ARMC3: variants seen among roughly 807,000 people sequenced by gnomAD.
ARMC3 encodes the protein armadillo repeat containing 3.
A neutral mutation model predicts 90.3 loss-of-function variants in ARMC3; 74 were observed. The observed-to-expected ratio is 0.82, with a 90% CI of 0.68 to 0.99. The LOEUF (loss-of-function observed/expected upper bound fraction) is 0.99, where lower values mean the gene tolerates loss of function less well. Among genes scored for constraint, ARMC3 ranks in the 50% least tolerant of loss-of-function variants. ARMC3 has a pLI of 0.00. For synonymous variants in ARMC3, 334 were observed against 361.8 expected (o/e 0.92, Z 0.87); for missense variants, 958 against 1,042.8 (o/e 0.92, Z 1.12).
chr10:23,010,847 CTCCTCTCCTTCCCTTGCCT>C (rs1837951635), intron 16 of ARMC3, among the ~76,000 whole-genome samples: 1 of 120,730 alleles, frequency 8.3e-6, no homozygotes, highest in Non-Finnish European at 1.8e-5. Context: ...TCCCTTGCCT[CTCCTCTCCTTCCCTTGCCT>C]CTCCTCTCCT....
intron 16 of ARMC3, among the ~76,000 whole-genome samples, chr10:23,023,252 T>C (rs1379529105): frequency 2.6e-5 from 4 of 152,118 alleles, no homozygotes; most frequent in Non-Finnish European, 5.9e-5. Flanking sequence ...CCCAGCAGCC[T>C]AGTTAAACCA....
At chr10:22,981,555 G>A (rs778086106) in intron 9 of ARMC3, 40 bp from the exon 10 acceptor site, 2 of 1,613,184 alleles carry the variant, frequency 1.2e-6, no homozygotes, top group South Asian at 2.2e-5. Context: ...GTGCACATGG[G>A]CATTTTAAAA....
At chr10:23,019,871 C>T (rs565642289) in intron 16 of ARMC3, among the ~76,000 whole-genome samples, 45 of 152,246 alleles carry the variant, frequency 3.0e-4, no homozygotes, top group Non-Finnish European at 1.3e-4. Context: ...TTTGAGAATG[C>T]CACATGAATA....
chr10:23,023,447 A>C (rs1838588685), intron 16 of ARMC3, among the ~76,000 whole-genome samples: 1 of 152,140 alleles, frequency 6.6e-6, no homozygotes, highest in Non-Finnish European at 1.5e-5. Context: ...CCCACAAAAG[A>C]CCTGTCATAT....
At chr10:22,990,795 C>T (rs1836672782) in intron 10 of ARMC3, among the ~76,000 whole-genome samples, 1 of 152,156 alleles carries the variant, frequency 6.6e-6, no homozygotes, top group Non-Finnish European at 1.5e-5. Context: ...ATTTTCCCCA[C>T]CAGAAATTTC....
intron 8 of ARMC3, among the ~76,000 whole-genome samples, chr10:22,980,397 C>A (rs551412354): frequency 6.6e-6 from 1 of 152,154 alleles, no homozygotes; most frequent in South Asian, 2.1e-4. Flanking sequence ...TAGGTTGTTT[C>A]ATTTTATACC....
chr10:22,987,759 C>T (rs2131362482), intron 10 of ARMC3, among the ~76,000 whole-genome samples: 1 of 152,248 alleles, frequency 6.6e-6, no homozygotes, highest in East Asian at 1.9e-4. Flanking sequence ...CTTAGAGACC[C>T]TTTTATTACC....
At chr10:22,975,087 C>A (rs1402950919) in intron 8 of ARMC3, among the ~76,000 whole-genome samples, 2 of 152,136 alleles carry the variant, frequency 1.3e-5, no homozygotes, top group African/African-American at 4.8e-5. Context: ...TTATTTGATT[C>A]ATTTCTCAAA....
At chr10:22,984,005 T>C (rs1329844466) in intron 10 of ARMC3, among the ~76,000 whole-genome samples, 1 of 152,150 alleles carries the variant, frequency 6.6e-6, no homozygotes, top group Non-Finnish European at 1.5e-5. Flanking sequence ...GCTGGGGTGG[T>C]TGGAATCAAG....
At chr10:22,963,186 A>C (rs1367223916) in intron 7 of ARMC3, among the ~76,000 whole-genome samples, 2 of 152,176 alleles carry the variant, frequency 1.3e-5, no homozygotes, top group African/African-American at 4.8e-5. Flanking sequence ...GATTTTATTA[A>C]ATTTGTAATT....
At chr10:22,940,982 C>T (rs74595666) in intron 2 of ARMC3, among the ~76,000 whole-genome samples, 5,514 of 152,030 alleles carry the variant, frequency 0.036, 311 homozygotes, top group African/African-American at 0.12. Context: ...ATAAACAAAT[C>T]GTGATATACA....
intron 8 of ARMC3, among the ~76,000 whole-genome samples, chr10:22,971,374 GA>G (rs576708150): frequency 1.6e-3 from 237 of 151,562 alleles, no homozygotes; most frequent in African/African-American, 5.6e-3. Context: ...TTGAGTCCCT[GA>G]TTTCAATTAT....
At chr10:22,990,540 A>G (rs1564375988) in intron 10 of ARMC3, among the ~76,000 whole-genome samples, 2 of 152,204 alleles carry the variant, frequency 1.3e-5, no homozygotes. Context: ...CCAGGTATTA[A>G]GCTAAGTCCT....
At chr10:23,025,317 T>C (rs1838674313) in intron 16 of ARMC3, among the ~76,000 whole-genome samples, 1 of 151,972 alleles carries the variant, frequency 6.6e-6, no homozygotes, top group African/African-American at 2.4e-5. Flanking sequence ...TCATTAAAAG[T>C]GCATGTGAAA....
At chr10:22,958,672 GATA>G (rs1213961572) in intron 4 of ARMC3, among the ~76,000 whole-genome samples, 2 of 152,160 alleles carry the variant, frequency 1.3e-5, no homozygotes, top group East Asian at 1.9e-4. Flanking sequence ...TGTAAAATGA[GATA>G]ATAATATTAC....
intron 7 of ARMC3, among the ~76,000 whole-genome samples, chr10:22,967,820 G>C: frequency 6.6e-6 from 1 of 152,262 alleles, no homozygotes; most frequent in Non-Finnish European, 1.5e-5. Context: ...GGGATTTCCC[G>C]TTTACATTTC....
intron 16 of ARMC3, among the ~76,000 whole-genome samples, chr10:23,017,161 G>A (rs545555054): frequency 1.1e-4 from 16 of 152,000 alleles, no homozygotes; most frequent in African/African-American, 3.1e-4. Context: ...TTATTAGAAT[G>A]CATGGTGGGT....
At chr10:22,968,099 T>C (rs1375298191) in intron 7 of ARMC3, among the ~76,000 whole-genome samples, 2 of 152,200 alleles carry the variant, frequency 1.3e-5, no homozygotes, top group African/African-American at 4.8e-5. Context: ...TAAAACATTT[T>C]GGAGTAAGGG....
At chr10:22,949,166 G>A (rs1834646464) in intron 3 of ARMC3, among the ~76,000 whole-genome samples, 1 of 152,038 alleles carries the variant, frequency 6.6e-6, no homozygotes, top group South Asian at 2.1e-4. Context: ...TTGTTTCCAA[G>A]TAACTTAATT....
Sources: gnomAD v4.1 joint callset for allele counts (sites outside exome capture counted in the v4.1 genomes callset) on GRCh38, gnomAD v4.1.1 for gene constraint, MANE v1.5 for transcripts, NCBI Gene and HGNC (gene_info 2026-07-23, HGNC 2026-07-21) for gene names.